The following GRB14 variants were observed in gnomAD, a reference collection of about 807,000 sequenced individuals.
The protein encoded by GRB14 is growth factor receptor bound protein 14.
Under a neutral mutation model 69.1 loss-of-function variants are expected in GRB14, and 38 were observed. The observed-to-expected ratio is 0.55, with a 90% CI of 0.42 to 0.72. GRB14 has a LOEUF of 0.72. Among genes scored for constraint, GRB14 ranks in the 30% least tolerant of loss-of-function variants. The probability of loss-of-function intolerance (pLI) is 0.00; values close to 1 mark genes in which losing one functional copy is unlikely to be tolerated. For synonymous variants in GRB14, 247 were observed against 241.3 expected, an observed-to-expected ratio of 1.02 and a Z score of -0.22; for missense variants, 666 against 666.1, an observed-to-expected ratio of 1.00 and a Z score of 0.00.
At chr2:164,506,198 C>T (rs1279901335) in intron 8 of GRB14, among the ~76,000 whole-genome samples, 1 of 152,140 alleles carries the variant, frequency 6.6e-6, no homozygotes, top group African/African-American at 2.4e-5. Context: ...TATTCAGAAT[C>T]CTTAAGGATG....
intron 2 of GRB14, chr2:164,568,480 C>T: frequency 1.7e-6 from 2 of 1,153,828 alleles, no homozygotes; most frequent in Non-Finnish European, 2.2e-6. Context: ...TGCAATGAAA[C>T]AACTAGGAAA....
At chr2:164,604,267 G>A (rs1290788848) in intron 2 of GRB14, among the ~76,000 whole-genome samples, 1 of 152,106 alleles carries the variant, frequency 6.6e-6, no homozygotes, top group Non-Finnish European at 1.5e-5. Flanking sequence ...GCACAAGAAT[G>A]TATATTATAG....
At chr2:164,584,581 G>A (rs963268354) in intron 2 of GRB14, among the ~76,000 whole-genome samples, 6 of 150,342 alleles carry the variant, frequency 4.0e-5, no homozygotes, top group African/African-American at 1.5e-4. Flanking sequence ...AAGTCCCTAC[G>A]ATGTAAAAAA....
intron 2 of GRB14, among the ~76,000 whole-genome samples, chr2:164,571,487 C>T (rs1275748084): frequency 2.6e-5 from 4 of 152,160 alleles, no homozygotes; most frequent in Non-Finnish European, 4.4e-5. Context: ...TACAGAATAG[C>T]AGTGTACATT....
chr2:164,590,603 T>C (rs1366259512), intron 2 of GRB14, among the ~76,000 whole-genome samples: 5 of 152,178 alleles, frequency 3.3e-5, no homozygotes, highest in Non-Finnish European at 5.9e-5. Context: ...CACAAATTGA[T>C]ATTCAGTTTA....
At chr2:164,616,203 T>A (rs1039583016) in intron 2 of GRB14, among the ~76,000 whole-genome samples, 2 of 151,840 alleles carry the variant, frequency 1.3e-5, no homozygotes, top group African/African-American at 4.8e-5. Flanking sequence ...GGCGGGTGGA[T>A]CATGAGGTCA....
intron 12 of GRB14, among the ~76,000 whole-genome samples, chr2:164,495,924 G>T (rs1686881566): frequency 6.6e-6 from 1 of 151,932 alleles, no homozygotes; most frequent in Admixed American, 6.6e-5. Context: ...TAAATACTGG[G>T]CTCAGAAATA....
At chr2:164,494,288 T>C (rs1686835068) in intron 13 of GRB14, 143 bp downstream of exon 13, 2 of 595,836 alleles carry the variant, frequency 3.4e-6, no homozygotes, top group East Asian at 5.6e-5. Context: ...AAGTTAACTC[T>C]AGTCAAAGCA....
chr2:164,514,908 A>G (rs1458509421), intron 6 of GRB14, among the ~76,000 whole-genome samples: 2 of 152,158 alleles, frequency 1.3e-5, no homozygotes, highest in African/African-American at 2.4e-5. Flanking sequence ...TGGGCTGCAC[A>G]GGAGCTGCGT....
intron 2 of GRB14, among the ~76,000 whole-genome samples, chr2:164,578,522 G>GCACACA (rs61283767): frequency 0.4 from 58,706 of 145,318 alleles, 13,316 homozygotes; most frequent in Non-Finnish European, 0.52. Context: ...CAATTCGCGC[G>GCACACA]CACACACACA....
At chr2:164,567,621 A>T (rs1270043134) in intron 2 of GRB14, among the ~76,000 whole-genome samples, 1 of 152,206 alleles carries the variant, frequency 6.6e-6, no homozygotes, top group African/African-American at 2.4e-5. Context: ...AGAAAAGTTT[A>T]CTATGACTAC....
intron 2 of GRB14, among the ~76,000 whole-genome samples, chr2:164,611,989 A>G (rs1267951656): frequency 6.6e-6 from 1 of 152,156 alleles, no homozygotes; most frequent in East Asian, 1.9e-4. Context: ...CTAGGAATAC[A>G]ATAAAATTGT....
intron 2 of GRB14, among the ~76,000 whole-genome samples, chr2:164,591,481 T>C (rs1318927525): frequency 6.6e-6 from 1 of 152,158 alleles, no homozygotes; most frequent in East Asian, 1.9e-4. Context: ...TGTTCTTCAA[T>C]AAATGAGGTC....
intron 2 of GRB14, among the ~76,000 whole-genome samples, chr2:164,559,636 C>A (rs1393048554): frequency 6.6e-6 from 1 of 152,168 alleles, no homozygotes; most frequent in Non-Finnish European, 1.5e-5. Flanking sequence ...CTCTTTATGG[C>A]TGAGTAGTAT....
intron 2 of GRB14, among the ~76,000 whole-genome samples, chr2:164,599,672 G>T (rs952014326): frequency 1.3e-5 from 2 of 152,150 alleles, no homozygotes; most frequent in South Asian, 2.1e-4. Flanking sequence ...TTTAAAGAAA[G>T]TATTTGCATA....
rs942293270 is a variant in GRB14, at chr2:164,578,028, T to C, written c.325-30212A>G. Reference sequence around the variant, plus strand: ...GGCGGGCAGATCACGAGGTCAGGAGTTCAAGACTAGCCTGACCAACATGGT... The same window carrying C: ...GGCGGGCAGATCACGAGGTCAGGAGCTCAAGACTAGCCTGACCAACATGGT... On this transcript the variant is annotated intron_variant, in intron 2 of 13. Transcript: ENST00000263915. Among the ~76,000 whole-genome samples, 6 of 151,200 alleles carry C rather than the reference T, an allele frequency of 4.0e-5. No individual in the cohort carries two copies. In the East Asian group the frequency reaches 9.8e-4, roughly 25 times the overall value.
At chr2:164,568,575 A>T (rs2105328556) in intron 2 of GRB14, 1 of 610,756 alleles carries the variant, frequency 1.6e-6, no homozygotes, top group East Asian at 1.4e-4. Flanking sequence ...GGCAGCAACC[A>T]ATCAAAGCCC....
At chr2:164,578,488 GAACA>G (rs1396393694) in intron 2 of GRB14, among the ~76,000 whole-genome samples, 2 of 139,258 alleles carry the variant, frequency 1.4e-5, no homozygotes, top group African/African-American at 2.6e-5. Flanking sequence ...AAAGAAAAAT[GAACA>G]AAAAAAAGGA....
At chr2:164,613,487 A>G (rs552839932) in intron 2 of GRB14, among the ~76,000 whole-genome samples, 1 of 152,242 alleles carries the variant, frequency 6.6e-6, no homozygotes, top group East Asian at 1.9e-4. Flanking sequence ...GTCAGTTACC[A>G]AGTACTGAAC....
Sources: gnomAD v4.1 joint callset for allele counts (sites outside exome capture counted in the v4.1 genomes callset) on GRCh38, gnomAD v4.1.1 for gene constraint, MANE v1.5 for transcripts, NCBI Gene and HGNC (gene_info 2026-07-23, HGNC 2026-07-21) for gene names.